Variants in CFAP57 observed in about 807,000 individuals in gnomAD.
CFAP57 encodes the protein cilia and flagella associated protein 57.
In CFAP57, 116 loss-of-function variants were observed where a neutral mutation model predicts 146.8. The observed-to-expected ratio is 0.79, with a 90% CI of 0.68 to 0.92. The LOEUF (loss-of-function observed/expected upper bound fraction) is 0.92, where lower values mean the gene tolerates loss of function less well. Among genes scored for constraint, CFAP57 ranks in the 40% least tolerant of loss-of-function variants. The pLI is 0.00. For missense variants in CFAP57, 1,377 were observed against 1,527.2 expected, an observed-to-expected ratio of 0.90 and a Z score of 1.64; for synonymous variants, 518 against 552.8, an observed-to-expected ratio of 0.94 and a Z score of 0.88.
rs779705325 is a variant in CFAP57, at chr1:43,241,028, G to A, written c.3406-2199G>A. On this transcript the variant is annotated intron_variant, in intron 21 of 22. Transcript: ENST00000372492. ...TGTTTGTATTTTTAGCGTAGACGGG[G>A]TTTCACCATGTTAGCCAGGATGGTC... Among the ~76,000 whole-genome samples, 121 of 152,194 alleles carry A rather than the reference G, an allele frequency of 8.0e-4. 2 individuals carry two copies. Among genetic ancestry groups the A allele is most frequent in the Non-Finnish European group, 3.1e-4 (21 of 68,028 alleles).
intron 21 of CFAP57, among the ~76,000 whole-genome samples, chr1:43,242,876 A>G (rs767258212): frequency 6.6e-5 from 10 of 151,906 alleles, no homozygotes; most frequent in Non-Finnish European, 1.3e-4. Context: ...TATATAATAT[A>G]ATAGCCATAT....
rs989086451 is a variant in CFAP57 at position 43,201,743 on chromosome 1, G to C, written c.1542+2240G>C. On this transcript the variant is annotated intron_variant, in intron 9 of 22. Coordinates refer to ENST00000372492, the MANE Select transcript of CFAP57 (RefSeq NM_001378189.1). The surrounding 1 kb of genome is among the most constrained non-coding windows in gnomAD (Gnocchi z 4.4). Reference sequence around the variant, plus strand: ...CGATTCTCCTGCCTCAGCCTCCTGAGTAGCTGGGATTACAGGCATGTACCA... The same window carrying C: ...CGATTCTCCTGCCTCAGCCTCCTGACTAGCTGGGATTACAGGCATGTACCA... Among the ~76,000 whole-genome samples, 2 of 152,208 alleles carry C rather than the reference G, an allele frequency of 1.3e-5. No individual in the cohort carries two copies. The highest frequency in any genetic ancestry group is 2.9e-5 in the Non-Finnish European group (2 of 68,038).
At position 43,227,977 on chromosome 1, in the gene CFAP57, C is replaced by G. The variant is rs1443163940; in HGVS notation, c.3009+851C>G. Among the ~76,000 whole-genome samples the G allele has an allele frequency of 2.0e-5, 3 of 152,194 alleles. No individual in the cohort carries two copies. In the South Asian group the frequency reaches 6.2e-4, roughly 32 times the overall value. ...TGTCTGATCAATTTCCAAAACATAT[C>G]TCACATCAAACCCTCCTTTCCCGCT... On this transcript the variant is annotated intron_variant, in intron 18 of 22. Coordinates refer to ENST00000372492, the MANE Select transcript of CFAP57 (RefSeq NM_001378189.1).
At position 43,236,590 on chromosome 1, in the gene CFAP57, T is replaced by TAAAAAAAAAA. The variant is rs764205138; in HGVS notation, c.3405+1970_3405+1979dup. 4.8e-5 allele frequency among the ~76,000 whole-genome samples: 2 copies of TAAAAAAAAAA among 41,806 alleles called. 1 individual carries two copies. Among genetic ancestry groups the TAAAAAAAAAA allele is most frequent in the East Asian group, 2.2e-3 (2 of 900 alleles). The allele number at this position is 41,806 out of a possible 152,430, so 27.4% of individuals were successfully genotyped here. On this transcript the variant is annotated intron_variant, in intron 21 of 22. Transcript: ENST00000372492. ...CACTGGCCTGGTACAGAATAAGTGC[T>TAAAAAAAAAA]AAAAAAAAAAAAAAAAAAAAAAAAA...
intron 22 of CFAP57, among the ~76,000 whole-genome samples, chr1:43,252,988 A>G (rs1557844350): frequency 6.6e-6 from 1 of 152,160 alleles, no homozygotes; most frequent in Non-Finnish European, 1.5e-5. Context: ...GAAGTTTGAG[A>G]AAGAAAGAAT....
rs1275695586 is a variant in CFAP57, at chr1:43,227,043, C to T, written c.2926C>T (p.Leu976Phe). Residue 976 changes from leucine (L) to phenylalanine (F), a missense_variant, in exon 18 of 23, where the codon CTT (leucine) becomes TTT (phenylalanine). Leu to Phe is a conservative substitution (Grantham distance 22, BLOSUM62 0). Coordinates refer to ENST00000372492, the MANE Select transcript of CFAP57 (RefSeq NM_001378189.1). ...AGAACTAGGGAAATTCAAGTTTGTG[C>T]TTGACTACAAAATAAAGGAGCTGAA... Reference protein sequence around the residue: ...NQELGKFKFVLDYKIKELKKQ... With the variant: ...NQELGKFKFVFDYKIKELKKQ... The T allele has an allele frequency of 2.6e-6, 4 of 1,540,824 alleles. No individual in the cohort carries two copies. The highest frequency in any genetic ancestry group is 3.5e-6 in the Non-Finnish European group (4 of 1,143,152).
chr1:43,230,778 C>T (rs1645435731), intron 18 of CFAP57, among the ~76,000 whole-genome samples: 1 of 152,212 alleles, frequency 6.6e-6, no homozygotes, highest in Non-Finnish European at 1.5e-5. Flanking sequence ...GTGCTTTCTG[C>T]CTTAACTGCA....
intron 22 of CFAP57, among the ~76,000 whole-genome samples, chr1:43,249,093 A>C (rs1646233235): frequency 7.2e-6 from 1 of 138,812 alleles, no homozygotes; most frequent in Non-Finnish European, 1.5e-5. Flanking sequence ...ACGAGGTTTC[A>C]CCATGTTAGC....
chr1:43,220,195 A>G (rs1267582899), intron 13 of CFAP57, among the ~76,000 whole-genome samples: 2 of 152,204 alleles, frequency 1.3e-5, no homozygotes, highest in South Asian at 2.1e-4. Context: ...GTAATTTCCA[A>G]ATTCTCTACA....
chr1:43,196,727 A>C (rs1643883503), intron 6 of CFAP57, among the ~76,000 whole-genome samples: 1 of 152,232 alleles, frequency 6.6e-6, no homozygotes, highest in South Asian at 2.1e-4. Flanking sequence ...AGTAGGATGC[A>C]TTTCAATTTA....
At chr1:43,183,993 C>A in intron 4 of CFAP57, 116 bp downstream of exon 4, 1 of 1,257,468 alleles carries the variant, frequency 8.0e-7, no homozygotes, top group Non-Finnish European at 1.1e-6. Context: ...TCAACTATGC[C>A]CATTTTCCCT....
At chr1:43,199,993 CCTT>C (rs1343389326) in intron 9 of CFAP57, among the ~76,000 whole-genome samples, 1 of 152,124 alleles carries the variant, frequency 6.6e-6, no homozygotes, top group Non-Finnish European at 1.5e-5. Flanking sequence ...AAGGATTTAT[CCTT>C]CTTATTTCTT....
chr1:43,180,080 C>A (rs2025591), intron 2 of CFAP57, among the ~76,000 whole-genome samples: 28,459 of 151,504 alleles, frequency 0.19, 3,068 homozygotes, highest in Middle Eastern at 0.29. Flanking sequence ...GTGGCACATG[C>A]CTGTAATCCC....
chr1:43,236,888 G>A (rs934599623), intron 21 of CFAP57, among the ~76,000 whole-genome samples: 4 of 141,184 alleles, frequency 2.8e-5, no homozygotes, highest in Non-Finnish European at 4.6e-5. Flanking sequence ...CAGCCTGGGC[G>A]ACAGAGCGAG....
At chr1:43,206,215 C>T (rs1447442023) in intron 9 of CFAP57, 6 of 155,336 alleles carry the variant, frequency 3.9e-5, no homozygotes, top group African/African-American at 1.4e-4. Flanking sequence ...TCCACCTCAG[C>T]CTCCCAAAGT....
At chr1:43,249,385 AT>A (rs1056793622) in intron 22 of CFAP57, among the ~76,000 whole-genome samples, 1 of 147,648 alleles carries the variant, frequency 6.8e-6, no homozygotes, top group African/African-American at 2.5e-5. Context: ...ATTAGACACA[AT>A]TATACAAAGT....
chr1:43,224,338 T>C (rs1286983397), intron 17 of CFAP57, 134 bp downstream of exon 17: 2 of 1,050,328 alleles, frequency 1.9e-6, no homozygotes, highest in African/African-American at 3.2e-5. Context: ...CAGCCGTCAG[T>C]GAAGTGCCTG....
intron 15 of CFAP57, 144 bp downstream of exon 15, chr1:43,222,439 A>C: frequency 2.9e-6 from 2 of 690,420 alleles, no homozygotes; most frequent in Non-Finnish European, 4.3e-6. Flanking sequence ...AACTTATATC[A>C]AATGGGAGAG....
intron 9 of CFAP57, among the ~76,000 whole-genome samples, chr1:43,204,254 C>G (rs151235486): frequency 2.0e-5 from 3 of 152,110 alleles, no homozygotes; most frequent in African/African-American, 7.2e-5. Flanking sequence ...ATTATTTAAG[C>G]GTAGTTTCCT....
Sources: allele counts gnomAD v4.1 joint callset (sites outside exome capture counted in the v4.1 genomes callset), GRCh38; gene constraint gnomAD v4.1.1; non-coding constraint Gnocchi (gnomAD v3.1); transcripts MANE v1.5; gene names NCBI Gene and HGNC (gene_info 2026-07-23, HGNC 2026-07-21).